The following KCNT1 variants were observed in gnomAD, a reference collection of about 807,000 sequenced individuals.
The protein encoded by KCNT1 is potassium sodium-activated channel subfamily T member 1.
A neutral mutation model predicts 147.8 loss-of-function variants in KCNT1; 78 were observed. The ratio of observed to expected loss-of-function variants is 0.53; its 90% CI spans 0.44 to 0.64. The LOEUF is 0.64. Among genes scored for constraint, KCNT1 ranks in the 30% least tolerant of loss-of-function variants. The pLI, the probability that KCNT1 is intolerant of heterozygous loss-of-function variation, is 0.00. For missense variants in KCNT1, 1,419 were observed against 1,750.3 expected (o/e 0.81, Z 3.38); for synonymous variants, 867 against 748.8 (o/e 1.16, Z -2.58).
chr9:135,786,069 C>A (rs372082092), intron 28 of KCNT1, 128 bp from the exon 29 acceptor site: 5 of 775,842 alleles, frequency 6.4e-6, no homozygotes, highest in African/African-American at 5.3e-5. Context: ...TTCCCTAACA[C>A]CCCCAGCTGC....
chr9:135,773,109 G>C (rs773717073), intron 19 of KCNT1, among the ~76,000 whole-genome samples, 160 bp downstream of exon 19: 2 of 152,186 alleles, frequency 1.3e-5, no homozygotes, highest in Non-Finnish European at 2.9e-5. Context: ...TCTTCAGGGG[G>C]CCCAACACAG....
At chr9:135,736,293 G>C (rs969060234) in intron 2 of KCNT1, among the ~76,000 whole-genome samples, 19 of 152,164 alleles carry the variant, frequency 1.2e-4, no homozygotes, top group African/African-American at 4.3e-4. Flanking sequence ...GCGGGACTCC[G>C]GCTCCTCTCC....
At chr9:135,783,873 T>C (rs1833805432) in intron 24 of KCNT1, 151 bp from the exon 25 acceptor site, 1 of 649,204 alleles carries the variant, frequency 1.5e-6, no homozygotes, top group African/African-American at 1.8e-5. Context: ...ACACACACTG[T>C]GTACACGTGG....
intron 2 of KCNT1, among the ~76,000 whole-genome samples, chr9:135,745,597 C>A (rs983512021): frequency 6.6e-6 from 1 of 152,238 alleles, no homozygotes; most frequent in Non-Finnish European, 1.5e-5. Flanking sequence ...GCAAGGGCGT[C>A]GTCCCAAGAG....
chr9:135,784,140 G>A lies in KCNT1; in HGVS notation c.2943+15G>A, dbSNP rs369299178. On this transcript the variant is annotated intron_variant, in intron 25 of 30. Transcript: ENST00000371757. ...TGCTCTACCAGGTCAGCGGGGAAGC[G>A]GCAGCAGGAGGGTGGCGCCTGGGTG... 2.4e-5 allele frequency: 38 copies of A among 1,595,136 alleles called. No individual in the cohort carries two copies. The highest frequency in any genetic ancestry group is 1.6e-4 in the Middle Eastern group (1 of 6,074).
At chr9:135,754,031 A>G in intron 5 of KCNT1, 38 bp downstream of exon 5, 1 of 1,584,402 alleles carries the variant, frequency 6.3e-7, no homozygotes, top group Non-Finnish European at 8.7e-7. Flanking sequence ...CCAGGCGCTC[A>G]GAGGCCTGGG....
chr9:135,713,503 C>T (rs939491530), intron 1 of KCNT1, among the ~76,000 whole-genome samples: 2 of 152,168 alleles, frequency 1.3e-5, no homozygotes, highest in Non-Finnish European at 2.9e-5. Context: ...CCACCCCTCC[C>T]GACTTGAGGA....
At chr9:135,755,499 G>A (rs1309384135) in intron 6 of KCNT1, among the ~76,000 whole-genome samples, 1 of 143,444 alleles carries the variant, frequency 7.0e-6, no homozygotes, top group Non-Finnish European at 1.5e-5. Flanking sequence ...CAGTAAACAG[G>A]GACCCAGGCT....
intron 11 of KCNT1, among the ~76,000 whole-genome samples, chr9:135,761,815 A>T (rs931863365): frequency 1.3e-5 from 2 of 152,134 alleles, no homozygotes; most frequent in Non-Finnish European, 2.9e-5. Context: ...AACAGGGCCA[A>T]TGCGTCCCCC....
chr9:135,704,030 C>T (rs561841182), intron 1 of KCNT1, among the ~76,000 whole-genome samples: 10 of 152,312 alleles, frequency 6.6e-5, no homozygotes, highest in Admixed American at 3.3e-4. Flanking sequence ...GGCTCGGGAG[C>T]GGGGAGCTGA....
chr9:135,705,179 C>T (rs1835202586), intron 1 of KCNT1, among the ~76,000 whole-genome samples: 1 of 152,174 alleles, frequency 6.6e-6, no homozygotes, highest in African/African-American at 2.4e-5. Flanking sequence ...CTCATGCCCT[C>T]GGAGGGTGTT....
chr9:135,703,986 G>C (rs1455593428), intron 1 of KCNT1, among the ~76,000 whole-genome samples: 1 of 152,270 alleles, frequency 6.6e-6, no homozygotes. Flanking sequence ...TCAGGCGTCA[G>C]GCTTGGGGAG....
intron 2 of KCNT1, among the ~76,000 whole-genome samples, chr9:135,727,386 TC>T (rs1410097286): frequency 8.4e-6 from 1 of 118,430 alleles, no homozygotes; most frequent in Non-Finnish European, 1.8e-5. Context: ...TCCCTCTCTC[TC>T]CCTCTCTCTC....
chr9:135,791,812 A>G lies in KCNT1; in HGVS notation c.3518A>G (p.His1173Arg). The G allele has an allele frequency of 6.2e-7, 1 of 1,613,738 alleles. No individual in the cohort carries two copies. The highest frequency in any genetic ancestry group is 8.5e-7 in the Non-Finnish European group (1 of 1,179,870). ...TCCTTTGCAGACGAGATGAACGACC[A>G]CCAGAACACCCTCTCCTACGTCCTC... ...PTTGYDEMND[H>R]QNTLSYVLIN... Residue 1173 changes from histidine to arginine, a missense_variant, in exon 30 of 31, where the codon CAC (histidine) becomes CGC (arginine). His to Arg is a conservative substitution (Grantham distance 29, BLOSUM62 0). Coordinates refer to ENST00000371757, the MANE Select transcript of KCNT1 (RefSeq NM_020822.3).
chr9:135,727,584 G>A (rs1175680940), intron 2 of KCNT1, among the ~76,000 whole-genome samples: 1 of 152,098 alleles, frequency 6.6e-6, no homozygotes, highest in Non-Finnish European at 1.5e-5. Flanking sequence ...GTCACCTTTG[G>A]GAGAGGAGGA....
rs763738368 is a variant in KCNT1 at position 135,771,109 on chromosome 9, G to A, written c.2008+14G>A. 5 of 1,601,928 alleles carry A rather than the reference G, an allele frequency of 3.1e-6. No individual in the cohort carries two copies. In the South Asian group the frequency reaches 3.3e-5, roughly 11 times the overall value. On this transcript the variant is annotated intron_variant, in intron 18 of 30. Transcript: ENST00000371757. ...TCGCCTCCATGGGTGAGCCGGGACA[G>A]GCGCGCGGGACTCCCTGGGCCTGCT...
At chr9:135,789,343 A>G (rs1480802344) in intron 29 of KCNT1, 2 of 152,098 alleles carry the variant, frequency 1.3e-5, no homozygotes, top group Non-Finnish European at 2.9e-5. Flanking sequence ...CTGCACCCCC[A>G]TGTTTAGATT....
intron 2 of KCNT1, among the ~76,000 whole-genome samples, chr9:135,741,391 ACTGCCAGGCTC>A: frequency 6.6e-6 from 1 of 152,350 alleles, no homozygotes; most frequent in African/African-American, 2.4e-5. Context: ...GGGCTGAGGC[ACTGCCAGGCTC>A]CTGCCAGCCT....
At chr9:135,758,885 G>A (rs1222055079) in intron 10 of KCNT1, among the ~76,000 whole-genome samples, 1 of 152,136 alleles carries the variant, frequency 6.6e-6, no homozygotes, top group Non-Finnish European at 1.5e-5. Flanking sequence ...GCCCAGAGCT[G>A]CGAGGGCCTC....
Sources: gnomAD v4.1 joint callset for allele counts (sites outside exome capture counted in the v4.1 genomes callset) on GRCh38, gnomAD v4.1.1 for gene constraint, MANE v1.5 for transcripts, NCBI Gene and HGNC (gene_info 2026-07-23, HGNC 2026-07-21) for gene names.